Variants in CCPG1 observed in about 807,000 individuals in gnomAD.
CCPG1 encodes cell cycle progression protein 1.
CCPG1 carries 46 observed loss-of-function variants against 81.3 expected under a neutral mutation model. That is an observed-to-expected ratio of 0.57 (90% CI 0.45 to 0.72). The LOEUF is 0.72. Ranked by LOEUF, CCPG1 falls within the 30% of genes least tolerant of loss-of-function variation. The pLI, the probability that CCPG1 is intolerant of heterozygous loss-of-function variation, is 0.00. For synonymous variants in CCPG1, 330 were observed against 305.2 expected, an observed-to-expected ratio of 1.08 and a Z score of -0.85; for missense variants, 902 against 937.6, an observed-to-expected ratio of 0.96 and a Z score of 0.50.
chr15:55,404,587 T>C (rs183005298), intron 1 of CCPG1, among the ~76,000 whole-genome samples: 17 of 152,318 alleles, frequency 1.1e-4, no homozygotes, highest in Non-Finnish European at 1.8e-4. Flanking sequence ...AAAAGCTAAG[T>C]ACTTTCACCT....
intron 5 of CCPG1, among the ~76,000 whole-genome samples, chr15:55,374,491 C>T (rs1182699439): frequency 1.3e-5 from 2 of 151,790 alleles, no homozygotes; most frequent in Non-Finnish European, 2.9e-5. Context: ...CCCAACAAAA[C>T]GTACACTGCC....
In CCPG1 at chr15:55,360,905, C is replaced by T; in HGVS notation, c.868G>A (p.Glu290Lys). ...GTTTCAAAGGACATCTTCTCTGCTT[C>T]AGTAAGTGTCCAACACCTTGCAAGA... is the stretch of plus-strand genomic sequence containing the variant. ...ENLARCWTLT[E>K]AEKMSFETQK... The change falls in exon 8 of 9, where the codon GAA (glutamate) becomes AAA (lysine). Residue 290 changes from glutamate (E) to lysine (K), a missense_variant. Glu to Lys is a moderately conservative substitution (Grantham distance 56). This residue lies in a region of CCPG1 where 746 missense variants were observed against 728.6 expected (regional missense o/e 1.02). Coordinates refer to ENST00000442196, the MANE Select transcript of CCPG1 (RefSeq NM_001204450.2). 1 of 1,587,204 alleles carries T rather than the reference C, an allele frequency of 6.3e-7. No individual in the cohort carries two copies. The highest frequency in any genetic ancestry group is 8.5e-7 in the Non-Finnish European group (1 of 1,171,184).
chr15:55,362,327 G>GA (rs372122496), intron 7 of CCPG1, among the ~76,000 whole-genome samples: 26,012 of 102,754 alleles, frequency 0.25, 3,942 homozygotes, highest in African/African-American at 0.5. Context: ...TCAGAAATAA[G>GA]AAAAAAAAAA....
chr15:55,394,374 G>A (rs1459683212), intron 1 of CCPG1, among the ~76,000 whole-genome samples: 6 of 152,110 alleles, frequency 3.9e-5, no homozygotes, highest in African/African-American at 1.2e-4. Context: ...TAAGTGACTG[G>A]GTAACTGGAA....
intron 5 of CCPG1, chr15:55,374,387 C>G (rs1272550833): frequency 4.7e-6 from 2 of 426,822 alleles, no homozygotes; most frequent in Admixed American, 3.7e-5. Flanking sequence ...ACCATGCCTT[C>G]TTAAAAACAC....
intron 3 of CCPG1, among the ~76,000 whole-genome samples, chr15:55,379,881 C>G (rs188906585): frequency 6.6e-6 from 1 of 151,904 alleles, no homozygotes; most frequent in East Asian, 1.9e-4. Context: ...GGTGAATCAC[C>G]TGAGGTCAGG....
In CCPG1 at chr15:55,363,601, C is replaced by G. The variant is rs1440785184; in HGVS notation, c.828+1587G>C. Among the ~76,000 whole-genome samples, 2 of 150,412 alleles carry G rather than the reference C, an allele frequency of 1.3e-5. 1 individual carries two copies. Among genetic ancestry groups the G allele is most frequent in the East Asian group, 4.1e-4 (2 of 4,922 alleles). On this transcript the variant is annotated intron_variant, in intron 7 of 8. Coordinates refer to ENST00000442196, the MANE Select transcript of CCPG1 (RefSeq NM_001204450.2). The stretch of plus-strand genomic sequence containing the variant: ...AAATGCCGCCAGTCTCCTCTGATGG[C>G]AGAAGCTAGGCAGGGTCTGGCCTGG...
intron 1 of CCPG1, among the ~76,000 whole-genome samples, chr15:55,392,213 T>C (rs985915060): frequency 1.4e-4 from 4 of 28,560 alleles, no homozygotes; most frequent in African/African-American, 8.1e-4. Flanking sequence ...AGATTTGATT[T>C]TTTTTTTTTT....
chr15:55,399,417 CAAAAA>C (rs56191750), intron 1 of CCPG1, among the ~76,000 whole-genome samples: 4 of 63,144 alleles, frequency 6.3e-5, no homozygotes, highest in African/African-American at 1.4e-4. Flanking sequence ...ACTAAAAATA[CAAAAA>C]AAAAAAAAAA....
intron 1 of CCPG1, among the ~76,000 whole-genome samples, chr15:55,401,047 T>C (rs960995260): frequency 1.3e-5 from 2 of 152,226 alleles, no homozygotes; most frequent in African/African-American, 2.4e-5. Context: ...CCCAAGACTA[T>C]AAAATTATTC....
chr15:55,372,066 T>C, intron 5 of CCPG1, 22 bp from the exon 6 acceptor site: 1 of 1,601,160 alleles, frequency 6.2e-7, no homozygotes, highest in Non-Finnish European at 8.5e-7. Flanking sequence ...AAAGTTGACA[T>C]TTAGCTATTC....
chr15:55,405,442 A>G (rs1199094011), intron 1 of CCPG1, among the ~76,000 whole-genome samples: 2 of 152,060 alleles, frequency 1.3e-5, no homozygotes, highest in African/African-American at 4.8e-5. Context: ...GGAGAATCAC[A>G]CTTGAACTCA....
intron 4 of CCPG1, among the ~76,000 whole-genome samples, chr15:55,377,572 TGAAGG>T (rs568272528): frequency 0.011 from 1,629 of 152,356 alleles, 16 homozygotes; most frequent in Non-Finnish European, 0.017. Flanking sequence ...TGAATGTATC[TGAAGG>T]TGTCCCCACA....
At chr15:55,366,311 T>A (rs910031834) in intron 6 of CCPG1, among the ~76,000 whole-genome samples, 23 of 152,076 alleles carry the variant, frequency 1.5e-4, no homozygotes, top group African/African-American at 2.4e-4. Context: ...AATGAAAATT[T>A]TTTTTTTTTT....
intron 3 of CCPG1, among the ~76,000 whole-genome samples, chr15:55,383,973 C>G (rs1211351680): frequency 6.6e-6 from 1 of 152,204 alleles, no homozygotes; most frequent in Non-Finnish European, 1.5e-5. Context: ...AAGAACTTTT[C>G]CTTTGCATTC....
At chr15:55,400,771 C>T (rs1430718923) in intron 1 of CCPG1, among the ~76,000 whole-genome samples, 1 of 152,166 alleles carries the variant, frequency 6.6e-6, no homozygotes, top group Admixed American at 6.5e-5. Context: ...TTCAGTGGGG[C>T]TGTGCATCTT....
At chr15:55,403,423 T>A (rs894225772) in intron 1 of CCPG1, among the ~76,000 whole-genome samples, 2 of 152,060 alleles carry the variant, frequency 1.3e-5, no homozygotes, top group Admixed American at 1.3e-4. Flanking sequence ...AAAAAAGATT[T>A]CAGGCTTCCT....
intron 1 of CCPG1, among the ~76,000 whole-genome samples, chr15:55,394,107 C>T (rs969564522): frequency 6.6e-6 from 1 of 152,108 alleles, no homozygotes; most frequent in Non-Finnish European, 1.5e-5. Context: ...GCTCCCATCT[C>T]AGCCTCCCAA....
chr15:55,385,824 C>G (rs186419456), intron 2 of CCPG1, 110 bp from the exon 3 acceptor site: 113 of 693,708 alleles, frequency 1.6e-4, no homozygotes, highest in Non-Finnish European at 2.7e-4. Context: ...TGCTGCCATA[C>G]TCCAAAGGAA....
Sources: allele counts gnomAD v4.1 joint callset (sites outside exome capture counted in the v4.1 genomes callset), GRCh38; gene constraint gnomAD v4.1.1; regional missense constraint gnomAD v4.1.1; transcripts MANE v1.5; gene names NCBI Gene and HGNC (gene_info 2026-07-23, HGNC 2026-07-21).